Variants in EPHA8 observed in about 807,000 individuals in gnomAD.
The protein encoded by EPHA8 is ephrin type-A receptor 8.
A neutral mutation model predicts 103.6 loss-of-function variants in EPHA8; 58 were observed. The ratio of observed to expected loss-of-function variants is 0.56; its 90% CI spans 0.45 to 0.70. The LOEUF (loss-of-function observed/expected upper bound fraction) is 0.70, where lower values mean the gene tolerates loss of function less well. EPHA8 is among the 30% of genes least tolerant of loss of function. EPHA8 has a pLI of 0.00. For synonymous variants in EPHA8, 559 were observed against 572.5 expected (o/e 0.98, Z 0.34); for missense variants, 1,304 against 1,395.2 (o/e 0.93, Z 1.04).
chr1:22,600,550 TC>T, intron 13 of EPHA8, 110 bp from the exon 14 acceptor site: 6 of 1,422,108 alleles, frequency 4.2e-6, no homozygotes, highest in Non-Finnish European at 5.7e-6. Flanking sequence ...GGCTGTGTTG[TC>T]CCTCTGGACT....
intron 2 of EPHA8, among the ~76,000 whole-genome samples, chr1:22,575,704 GGA>G (rs2124519024): frequency 6.6e-6 from 1 of 152,264 alleles, no homozygotes; most frequent in African/African-American, 2.4e-5. Flanking sequence ...CAGGGTGGAG[GGA>G]GTCTGTGGAT....
chr1:22,596,006 A>G, intron 8 of EPHA8, 100 bp from the exon 9 acceptor site: 1 of 1,048,098 alleles, frequency 9.5e-7, no homozygotes, highest in Admixed American at 1.9e-5. Context: ...TGTCAGGGGA[A>G]GGGGCATGAA....
At chr1:22,581,822 C>T (rs774446046) in intron 3 of EPHA8, among the ~76,000 whole-genome samples, 3 of 152,220 alleles carry the variant, frequency 2.0e-5, no homozygotes, top group African/African-American at 7.2e-5. Context: ...TAGTGCACTG[C>T]AGGCAGTGAG....
intron 3 of EPHA8, among the ~76,000 whole-genome samples, chr1:22,585,052 C>CGTGCGCGTGCGT (rs1553146964): frequency 2.1e-5 from 3 of 144,370 alleles, no homozygotes; most frequent in African/African-American, 8.1e-5. Flanking sequence ...TGTGTGTGTG[C>CGTGCGCGTGCGT]GCACGCGTGT....
At chr1:22,586,782 G>C (rs1002198723) in intron 4 of EPHA8, 147 bp downstream of exon 4, 6 of 976,538 alleles carry the variant, frequency 6.1e-6, no homozygotes, top group Non-Finnish European at 8.6e-6. Flanking sequence ...GTCTGAGGTG[G>C]GGGGGGTGAC....
At chr1:22,586,408 C>T (rs1270872898) in intron 3 of EPHA8, 72 bp from the exon 4 acceptor site, 4 of 1,551,780 alleles carry the variant, frequency 2.6e-6, no homozygotes, top group Non-Finnish European at 3.5e-6. Flanking sequence ...CTGTGGGCCA[C>T]AGTGTGAGCG....
chr1:22,574,959 A>G (rs1027598659), intron 2 of EPHA8, among the ~76,000 whole-genome samples: 1 of 151,182 alleles, frequency 6.6e-6, no homozygotes, highest in African/African-American at 2.4e-5. Context: ...TATTATTATC[A>G]TTTTTTTTTA....
intron 4 of EPHA8, 117 bp from the exon 5 acceptor site, chr1:22,588,754 A>G (rs1641288012): frequency 6.7e-7 from 1 of 1,488,470 alleles, no homozygotes; most frequent in Admixed American, 2.3e-5. Flanking sequence ...CCTTATCCTT[A>G]AGGAGCCCTA....
At position 22,586,518 on chromosome 1, in the gene EPHA8, C is replaced by A; in HGVS notation, c.862C>A (p.Gln288Lys). ...CTTCTACAAGTCAGCCCCTGGGGACCAGCTGTGTGCCCGCTGCCCTCCCCA... is the reference window on the plus strand; with the variant it reads ...CTTCTACAAGTCAGCCCCTGGGGACAAGCTGTGTGCCCGCTGCCCTCCCCA... ...LGFYKSAPGD[Q>K]LCARCPPHSH... Residue 288 changes from glutamine to lysine, a missense_variant, in exon 4 of 17, where the codon CAG (glutamine) becomes AAG (lysine). By Grantham distance (53) the Gln-to-Lys change is moderately conservative. Coordinates refer to ENST00000166244, the MANE Select transcript of EPHA8 (RefSeq NM_020526.5). The A allele has an allele frequency of 6.2e-7, 1 of 1,613,730 alleles. No individual in the cohort carries two copies. Among genetic ancestry groups the A allele is most frequent in the Non-Finnish European group, 8.5e-7 (1 of 1,179,902 alleles).
intron 2 of EPHA8, among the ~76,000 whole-genome samples, chr1:22,575,241 G>A (rs896774392): frequency 3.4e-5 from 5 of 147,762 alleles, no homozygotes; most frequent in East Asian, 2.0e-4. Context: ...GTGAGCCACC[G>A]CACCTGGCCT....
At chr1:22,599,901 A>AG (rs1641656364) in intron 13 of EPHA8, among the ~76,000 whole-genome samples, 1 of 47,594 alleles carries the variant, frequency 2.1e-5, no homozygotes, top group Non-Finnish European at 3.8e-5. Context: ...GGAAGGAAGG[A>AG]AGGGAGGGAA....
chr1:22,564,331 GC>G (rs1640293019), intron 1 of EPHA8, among the ~76,000 whole-genome samples: 1 of 151,406 alleles, frequency 6.6e-6, no homozygotes, highest in Admixed American at 6.6e-5. Flanking sequence ...GGGCCCGAGG[GC>G]CACAGTCTGG....
intron 3 of EPHA8, among the ~76,000 whole-genome samples, chr1:22,585,018 G>T (rs1641152792): frequency 7.8e-6 from 1 of 127,466 alleles, no homozygotes; most frequent in South Asian, 2.6e-4. Context: ...GCGGGGAATG[G>T]TCGTTTCTCT....
rs998683041 is a variant in EPHA8 at position 22,569,138 on chromosome 1, G to A, written c.95-151G>A. ...AACTTAAACTGGGCCTTCAAGGAGA[G>A]GGGAAGAGAGAAAGGGCATTCAGGC... On this transcript the variant is annotated intron_variant, in intron 1 of 16. Transcript: ENST00000166244. The surrounding 1 kb of genome is among the most constrained non-coding windows in gnomAD (Gnocchi z 4.5). 24 of 679,556 alleles carry A rather than the reference G, an allele frequency of 3.5e-5. No homozygotes were observed. The South Asian group carries it at 4.0e-4, about 11-fold the overall frequency. 42.1% of individuals were successfully genotyped at this position (679,556 alleles called of 1,614,324 possible).
chr1:22,577,483 GTGAA>G (rs1557557942), intron 3 of EPHA8, among the ~76,000 whole-genome samples: 1 of 152,114 alleles, frequency 6.6e-6, no homozygotes, highest in Non-Finnish European at 1.5e-5. Flanking sequence ...GGGGCCCTGG[GTGAA>G]TGAGCACACT....
rs1484269942 is a variant in EPHA8, at chr1:22,576,833, A to G, written c.776A>G (p.Lys259Arg). ...AEGEWLVPIG[K>R]CVCSAGYEER... ...GGCGAGTGGCTCGTGCCCATCGGCA[A>G]ATGCGTGTGCAGTGCCGGCTACGAG... The change falls in exon 3 of 17, where the codon AAA (lysine) becomes AGA (arginine). Residue 259 changes from lysine to arginine, a missense_variant. By Grantham distance (26) the Lys-to-Arg change is conservative. Coordinates refer to ENST00000166244, the MANE Select transcript of EPHA8 (RefSeq NM_020526.5). The surrounding 1 kb of genome is among the most constrained non-coding windows in gnomAD (Gnocchi z 4.8). The G allele has an allele frequency of 1.2e-6, 2 of 1,609,836 alleles. No individual in the cohort carries two copies. Among genetic ancestry groups the G allele is most frequent in the Admixed American group, 3.3e-5 (2 of 59,928 alleles).
At chr1:22,577,125 C>T (rs1224871926) in intron 3 of EPHA8, among the ~76,000 whole-genome samples, 3 of 152,114 alleles carry the variant, frequency 2.0e-5, no homozygotes, top group Admixed American at 1.3e-4. Flanking sequence ...CAGACCCCAG[C>T]GAGGCGGTGC....
At chr1:22,600,377 G>A (rs1205407295) in intron 13 of EPHA8, among the ~76,000 whole-genome samples, 2 of 148,948 alleles carry the variant, frequency 1.3e-5, no homozygotes, top group Non-Finnish European at 2.9e-5. Flanking sequence ...GAAGGAAGAG[G>A]AAGAGTTAGA....
chr1:22,596,262 G>A (rs1397675083), intron 9 of EPHA8, 89 bp downstream of exon 9: 1 of 1,332,892 alleles, frequency 7.5e-7, no homozygotes, highest in African/African-American at 1.5e-5. Flanking sequence ...TGGGAAGGAG[G>A]AAGGTGCCCA....
Sources: allele counts gnomAD v4.1 joint callset (sites outside exome capture counted in the v4.1 genomes callset), GRCh38; gene constraint gnomAD v4.1.1; non-coding constraint Gnocchi (gnomAD v3.1); transcripts MANE v1.5; gene names NCBI Gene and HGNC (gene_info 2026-07-23, HGNC 2026-07-21).